The following SLC25A13 variants were observed in gnomAD, a reference collection of about 807,000 sequenced individuals.
SLC25A13 encodes electrogenic aspartate/glutamate antiporter SLC25A13, mitochondrial.
In SLC25A13, 70 loss-of-function variants were observed where a neutral mutation model predicts 85.5. The observed-to-expected ratio is 0.82, with a 90% confidence interval of 0.68 to 1.00. SLC25A13 has a LOEUF of 1.00. SLC25A13 is among the 50% of genes least tolerant of loss of function. The pLI is 0.00. For synonymous variants in SLC25A13, 259 were observed against 288.7 expected (o/e 0.90, Z 1.04); for missense variants, 765 against 819.8 (o/e 0.93, Z 0.82).
At chr7:96,221,195 A>T (rs114928689) in intron 4 of SLC25A13, among the ~76,000 whole-genome samples, 4 of 152,162 alleles carry the variant, frequency 2.6e-5, no homozygotes, top group African/African-American at 9.7e-5. Context: ...GAACTGGAAC[A>T]GTTTCTGGAC....
intron 3 of SLC25A13, among the ~76,000 whole-genome samples, chr7:96,251,061 A>T (rs939612947): frequency 1.3e-5 from 2 of 152,140 alleles, no homozygotes; most frequent in African/African-American, 4.8e-5. Context: ...CAAAAAAAAA[A>T]TTAATGAAAC....
chr7:96,173,913 G>C (rs1794110049), intron 11 of SLC25A13, among the ~76,000 whole-genome samples: 1 of 152,302 alleles, frequency 6.6e-6, no homozygotes, highest in African/African-American at 2.4e-5. Context: ...AGAGAAGAGG[G>C]GACAAGTTAG....
intron 14 of SLC25A13, among the ~76,000 whole-genome samples, chr7:96,144,674 G>C (rs988267903): frequency 2.0e-5 from 3 of 152,168 alleles, no homozygotes; most frequent in African/African-American, 7.2e-5. Flanking sequence ...AGATACCATG[G>C]TTGGCAGCCT....
chr7:96,168,098 G>GGAAAAAAAAAAAAAAAAAA (rs1793836839), intron 13 of SLC25A13, among the ~76,000 whole-genome samples: 2 of 19,694 alleles, frequency 1.0e-4, no homozygotes, highest in Non-Finnish European at 1.3e-4. Flanking sequence ...AACTCTGTCT[G>GGAAAAAAAAAAAAAAAAAA]AAAAAAAAAA....
intron 2 of SLC25A13, among the ~76,000 whole-genome samples, chr7:96,286,281 T>A (rs553049220): frequency 0.019 from 1,545 of 80,664 alleles, 30 homozygotes; most frequent in African/African-American, 0.067. Flanking sequence ...TAAGACTCCA[T>A]CTCAAAAAAA....
chr7:96,130,611 T>A (rs898804650), intron 15 of SLC25A13, among the ~76,000 whole-genome samples: 8 of 152,174 alleles, frequency 5.3e-5, no homozygotes, highest in African/African-American at 1.9e-4. Context: ...ACCCTTTGGT[T>A]CAAAACATTT....
chr7:96,168,180 CATCTACTCAGAGATCTAAA>C (rs1793850626), intron 13 of SLC25A13, among the ~76,000 whole-genome samples: 4 of 139,746 alleles, frequency 2.9e-5, no homozygotes, highest in Middle Eastern at 4.3e-3. Flanking sequence ...ACCATCCATT[CATCTACTCAGAGATCTAAA>C]GGGACCTGGG....
intron 13 of SLC25A13, among the ~76,000 whole-genome samples, chr7:96,168,098 G>GGAAAAAAAAAAAA (rs1793836839): frequency 1.5e-4 from 3 of 19,694 alleles, no homozygotes; most frequent in Non-Finnish European, 3.8e-4. Flanking sequence ...AACTCTGTCT[G>GGAAAAAAAAAAAA]AAAAAAAAAA....
chr7:96,184,521 G>A (rs1446415677), intron 10 of SLC25A13, 86 bp from the exon 11 acceptor site: 2 of 1,247,156 alleles, frequency 1.6e-6, no homozygotes, highest in Non-Finnish European at 2.3e-6. Flanking sequence ...GGACAAGACT[G>A]AGAAAAGAAA....
Position 96,184,632 on chromosome 7 carries a change from GAT to G in SLC25A13, c.1019-199_1019-198del, listed in dbSNP as rs1794553877. ...TCATTCAAGTATCCCCTAATAAAAG[GAT>G]GTCATAGATATTTTAAATTAAGGCA... On this transcript the variant is annotated intron_variant, in intron 10 of 17. Coordinates refer to ENST00000265631, the MANE Select transcript of SLC25A13 (RefSeq NM_014251.3). The G allele has an allele frequency of 4.6e-6, 3 of 646,860 alleles. No homozygotes were observed. The South Asian group carries it at 5.9e-5, about 13-fold the overall frequency. The allele number at this position is 646,860 out of a possible 1,614,324, so 40.1% of individuals were successfully genotyped here. A position where few individuals can be genotyped will look rare whatever the true frequency, so the allele number is the denominator to read the frequency against.
At chr7:96,237,177 G>A (rs1170379298) in intron 3 of SLC25A13, among the ~76,000 whole-genome samples, 1 of 152,172 alleles carries the variant, frequency 6.6e-6, no homozygotes, top group Non-Finnish European at 1.5e-5. Context: ...AAACTTGAGT[G>A]TGACTCCTCT....
chr7:96,189,205 C>A, intron 9 of SLC25A13, 89 bp downstream of exon 9: 1 of 1,095,656 alleles, frequency 9.1e-7, no homozygotes, highest in Admixed American at 1.9e-5. Flanking sequence ...AGTCAGATAC[C>A]AATGCCGCAA....
At chr7:96,248,308 T>G (rs887584888) in intron 3 of SLC25A13, among the ~76,000 whole-genome samples, 1 of 152,078 alleles carries the variant, frequency 6.6e-6, no homozygotes, top group African/African-American at 2.4e-5. Context: ...ACTCCTAGTA[T>G]AGGAGAAGGG....
chr7:96,147,679 T>G (rs1375132464), intron 13 of SLC25A13, among the ~76,000 whole-genome samples: 1 of 152,170 alleles, frequency 6.6e-6, no homozygotes, highest in Admixed American at 6.5e-5. Flanking sequence ...TTATAAAAGC[T>G]GGAAAGAAAA....
chr7:96,121,189 T>C lies in SLC25A13; in HGVS notation c.*2A>G, dbSNP rs770984153. The C allele has an allele frequency of 3.7e-6, 6 of 1,613,994 alleles. No individual in the cohort carries two copies. Among genetic ancestry groups the C allele is most frequent in the Non-Finnish European group, 5.1e-6 (6 of 1,179,988 alleles). On this transcript the variant is annotated 3_prime_UTR_variant, in exon 18 of 18. Coordinates refer to ENST00000265631, the MANE Select transcript of SLC25A13 (RefSeq NM_014251.3). ...GACAGCACTATCCCAGGGCTGATCT[T>C]CCTATGGGCCTCCACCAATAGCCTT... is the stretch of plus-strand genomic sequence containing the variant.
chr7:96,143,842 T>A (rs922197448), intron 14 of SLC25A13, among the ~76,000 whole-genome samples: 5 of 152,154 alleles, frequency 3.3e-5, no homozygotes, highest in Non-Finnish European at 7.4e-5. Flanking sequence ...CACTCACCCT[T>A]CTTGGGTCTG....
At chr7:96,227,849 G>A (rs112576243) in intron 4 of SLC25A13, among the ~76,000 whole-genome samples, 210 of 152,186 alleles carry the variant, frequency 1.4e-3, no homozygotes, top group African/African-American at 4.5e-3. Flanking sequence ...TTCCTGACCC[G>A]GAGGAAAACA....
chr7:96,207,771 C>A (rs1795513963), intron 5 of SLC25A13, among the ~76,000 whole-genome samples: 1 of 152,036 alleles, frequency 6.6e-6, no homozygotes, highest in African/African-American at 2.4e-5. Flanking sequence ...TCATCAGTGG[C>A]CCAATGATAT....
intron 3 of SLC25A13, among the ~76,000 whole-genome samples, 153 bp downstream of exon 3, chr7:96,277,043 A>G (rs1192975417): frequency 6.6e-6 from 1 of 152,234 alleles, no homozygotes; most frequent in East Asian, 1.9e-4. Flanking sequence ...GAACTACATT[A>G]TTACTCAAAT....
Sources: gnomAD v4.1 joint callset for allele counts (sites outside exome capture counted in the v4.1 genomes callset) on GRCh38, gnomAD v4.1.1 for gene constraint, MANE v1.5 for transcripts, NCBI Gene and HGNC (gene_info 2026-07-23, HGNC 2026-07-21) for gene names.